The following RAPGEF2 variants were observed in gnomAD, a reference collection of about 807,000 sequenced individuals.
RAPGEF2 encodes the protein Rap guanine nucleotide exchange factor 2.
A neutral mutation model predicts 186.7 loss-of-function variants in RAPGEF2; 54 were observed. The ratio of observed to expected loss-of-function variants is 0.29; its 90% CI spans 0.23 to 0.36. The LOEUF (loss-of-function observed/expected upper bound fraction) is 0.36. Among genes scored for constraint, RAPGEF2 ranks in the 10% least tolerant of loss-of-function variants. The probability of loss-of-function intolerance (pLI) is 1.00; values close to 1 mark genes in which losing one functional copy is unlikely to be tolerated. For synonymous variants in RAPGEF2, 712 were observed against 705.9 expected, an observed-to-expected ratio of 1.01 and a Z score of -0.14; for missense variants, 1,532 against 2,045.0, an observed-to-expected ratio of 0.75 and a Z score of 4.84.
chr4:159,306,967 C>T (rs1034830983), intron 8 of RAPGEF2, among the ~76,000 whole-genome samples: 5 of 152,030 alleles, frequency 3.3e-5, no homozygotes, highest in African/African-American at 1.2e-4. Context: ...TAAAATAATT[C>T]TAATTGTTAA....
chr4:159,294,135 A>C (rs1761606476), intron 7 of RAPGEF2, among the ~76,000 whole-genome samples: 2 of 152,240 alleles, frequency 1.3e-5, no homozygotes, highest in Admixed American at 6.5e-5. Flanking sequence ...AAGAGTTAAA[A>C]ATTAATTATG....
intron 1 of RAPGEF2, among the ~76,000 whole-genome samples, chr4:159,174,553 C>A (rs1746252754): frequency 6.6e-6 from 1 of 152,084 alleles, no homozygotes; most frequent in South Asian, 2.1e-4. Context: ...TACTAATCAC[C>A]TTTGTCTCAA....
chr4:159,255,878 CTTTATGTCTTGGAAAAAATA>C (rs1756099587), intron 7 of RAPGEF2, among the ~76,000 whole-genome samples: 1 of 151,378 alleles, frequency 6.6e-6, no homozygotes. Context: ...TTTAAGTTTG[CTTTATGTCTTGGAAAAAATA>C]TTTACTTCCT....
rs142621908 is a variant in RAPGEF2, at chr4:159,309,683, A to T, written c.676-4908A>T. Among the ~76,000 whole-genome samples, 443 of 152,346 alleles carry T rather than the reference A, an allele frequency of 2.9e-3. 1 individual carries two copies. Among genetic ancestry groups the T allele is most frequent in the African/African-American group, 1.0e-2 (415 of 41,586 alleles). ...ATGCCTAAGTTAGTAATACGAGACA[A>T]TGCCATTTCCAGCCATGATAAGGTC... On this transcript the variant is annotated intron_variant, in intron 8 of 29. Coordinates refer to ENST00000691494, the MANE Select transcript of RAPGEF2 (RefSeq NM_001394067.2).
chr4:159,125,561 A>T (rs1463806070), intron 1 of RAPGEF2, among the ~76,000 whole-genome samples: 1 of 152,110 alleles, frequency 6.6e-6, no homozygotes, highest in African/African-American at 2.4e-5. Flanking sequence ...GATTGAGACC[A>T]TCCTGGCTAA....
intron 7 of RAPGEF2, among the ~76,000 whole-genome samples, chr4:159,277,308 T>G (rs1255651230): frequency 6.6e-6 from 1 of 152,214 alleles, no homozygotes; most frequent in Non-Finnish European, 1.5e-5. Flanking sequence ...CACATTTTCT[T>G]AATCCAGTCT....
At chr4:159,207,109 AG>A (rs982347366) in intron 3 of RAPGEF2, among the ~76,000 whole-genome samples, 2 of 152,232 alleles carry the variant, frequency 1.3e-5, no homozygotes, top group African/African-American at 4.8e-5. Flanking sequence ...TGCCTACTAA[AG>A]CAAATATAAC....
intron 1 of RAPGEF2, among the ~76,000 whole-genome samples, chr4:159,126,516 C>T (rs1245606417): frequency 6.7e-6 from 1 of 148,994 alleles, no homozygotes; most frequent in Non-Finnish European, 1.5e-5. Flanking sequence ...TTTATTCTAT[C>T]TCCTGTCCAG....
At chr4:159,332,809 T>A in intron 17 of RAPGEF2, 112 bp downstream of exon 17, 1 of 1,294,340 alleles carries the variant, frequency 7.7e-7, no homozygotes, top group Non-Finnish European at 1.0e-6. Context: ...TAGGTTTTTA[T>A]GACTGAGCTA....
intron 11 of RAPGEF2, 144 bp from the exon 12 acceptor site, chr4:159,329,714 A>C: frequency 1.8e-6 from 1 of 549,152 alleles, no homozygotes; most frequent in Middle Eastern, 4.7e-4. Context: ...AGTCTGATTA[A>C]GGTTCATTAC....
intron 3 of RAPGEF2, among the ~76,000 whole-genome samples, chr4:159,203,452 C>T (rs1211585792): frequency 6.6e-6 from 1 of 152,134 alleles, no homozygotes; most frequent in African/African-American, 2.4e-5. Flanking sequence ...ACCTGCGTCA[C>T]GTGAGCATGT....
intron 7 of RAPGEF2, among the ~76,000 whole-genome samples, chr4:159,277,212 T>C (rs1759024069): frequency 6.6e-6 from 1 of 152,146 alleles, no homozygotes; most frequent in Non-Finnish European, 1.5e-5. Context: ...CTGAGAATGA[T>C]GGTTTCCAGC....
intron 7 of RAPGEF2, among the ~76,000 whole-genome samples, chr4:159,302,295 T>C (rs1762763840): frequency 6.6e-6 from 1 of 151,580 alleles, no homozygotes. Flanking sequence ...ATAAATAAAA[T>C]ATAAAAATTC....
At chr4:159,117,063 T>C (rs962117839) in intron 1 of RAPGEF2, among the ~76,000 whole-genome samples, 8 of 152,188 alleles carry the variant, frequency 5.3e-5, no homozygotes, top group East Asian at 1.9e-4. Context: ...TTGTATCTTA[T>C]AGTTATTGTA....
intron 1 of RAPGEF2, among the ~76,000 whole-genome samples, chr4:159,126,756 A>G (rs1275240353): frequency 6.6e-6 from 1 of 152,126 alleles, no homozygotes; most frequent in Non-Finnish European, 1.5e-5. Flanking sequence ...TCAGTTGATT[A>G]TAAGATCAGA....
At chr4:159,262,874 G>A (rs959161317) in intron 7 of RAPGEF2, among the ~76,000 whole-genome samples, 2 of 151,822 alleles carry the variant, frequency 1.3e-5, no homozygotes, top group African/African-American at 4.8e-5. Context: ...AGTAAATCAT[G>A]GTGATCTTTT....
rs34551997 is a variant in RAPGEF2, at chr4:159,358,096, TC to T, written c.4958-15del. On this transcript the variant is annotated splice_polypyrimidine_tract_variant and intron_variant, in intron 29 of 29. Coordinates refer to ENST00000691494, the MANE Select transcript of RAPGEF2 (RefSeq NM_001394067.2). ...TGCTTGCTCATTGATTTCTTTTTCT[TC>T]CCTGCTGTATTTGCAGAAGATGAAC... is the stretch of plus-strand genomic sequence containing the variant. 1.9e-6 allele frequency: 3 copies of T among 1,611,264 alleles called. No homozygotes were observed. The highest frequency in any genetic ancestry group is 1.7e-5 in the Admixed American group (1 of 59,602).
chr4:159,248,458 G>A (rs1470207680), intron 7 of RAPGEF2, among the ~76,000 whole-genome samples: 1 of 152,134 alleles, frequency 6.6e-6, no homozygotes, highest in Non-Finnish European at 1.5e-5. Context: ...CCCATTATCG[G>A]CAGGTTTACT....
intron 7 of RAPGEF2, among the ~76,000 whole-genome samples, chr4:159,298,988 T>C (rs1278824326): frequency 6.6e-6 from 1 of 152,130 alleles, no homozygotes; most frequent in African/African-American, 2.4e-5. Context: ...CTTTATTTTT[T>C]ACAAATACCT....
Sources: allele counts gnomAD v4.1 joint callset (sites outside exome capture counted in the v4.1 genomes callset), GRCh38; gene constraint gnomAD v4.1.1; transcripts MANE v1.5; gene names NCBI Gene and HGNC (gene_info 2026-07-23, HGNC 2026-07-21).